Variants in CNTN5 observed in about 807,000 individuals in gnomAD.
CNTN5 encodes the protein contactin 5.
A neutral mutation model predicts 129.1 loss-of-function variants in CNTN5; 77 were observed. The observed-to-expected ratio is 0.60, with a 90% confidence interval of 0.50 to 0.72. CNTN5 has a LOEUF of 0.72. Ranked by LOEUF, CNTN5 falls within the 30% of genes least tolerant of loss-of-function variation. The pLI is 0.00. For synonymous variants in CNTN5, 509 were observed against 465.6 expected, an observed-to-expected ratio of 1.09 and a Z score of -1.20; for missense variants, 1,478 against 1,328.8, an observed-to-expected ratio of 1.11 and a Z score of -1.75.
chr11:99,194,295 C>A (rs1269354758), intron 1 of CNTN5, among the ~76,000 whole-genome samples: 4 of 151,964 alleles, frequency 2.6e-5, no homozygotes, highest in Admixed American at 6.6e-5. Context: ...ATAAAAGTAG[C>A]ACATTTTTAG....
intron 8 of CNTN5, among the ~76,000 whole-genome samples, chr11:99,991,785 C>A (rs1187236721): frequency 6.7e-6 from 1 of 149,572 alleles, no homozygotes; most frequent in Non-Finnish European, 1.5e-5. Flanking sequence ...AATACTCAAG[C>A]AAGTATTGAG....
intron 21 of CNTN5, chr11:100,308,815 TA>T: frequency 1.0e-6 from 1 of 987,930 alleles, no homozygotes; most frequent in Non-Finnish European, 1.2e-6. Context: ...AATGTATAAA[TA>T]CAAGTTTTCC....
At chr11:99,446,946 C>A (rs1178135895) in intron 2 of CNTN5, among the ~76,000 whole-genome samples, 1 of 152,120 alleles carries the variant, frequency 6.6e-6, no homozygotes, top group Admixed American at 6.6e-5. Context: ...CTTACTTGGT[C>A]TGGCTCTTGT....
intron 20 of CNTN5, among the ~76,000 whole-genome samples, chr11:100,300,499 G>A (rs1951195063): frequency 1.3e-5 from 2 of 151,396 alleles, no homozygotes; most frequent in African/African-American, 2.4e-5. Flanking sequence ...CTTCCTCTGT[G>A]CCCACATGTA....
intron 1 of CNTN5, among the ~76,000 whole-genome samples, chr11:99,093,997 T>C (rs978221542): frequency 6.6e-6 from 1 of 151,954 alleles, no homozygotes; most frequent in Non-Finnish European, 1.5e-5. Context: ...TAAGATAATA[T>C]AATATAGTAG....
rs529359372 is a variant in CNTN5 at position 99,971,773 on chromosome 11, A to G, written c.877+14764A>G. Among the ~76,000 whole-genome samples, 43 of 152,030 alleles carry G rather than the reference A, an allele frequency of 2.8e-4. 1 individual carries two copies. In the South Asian group the frequency reaches 8.9e-3, roughly 31 times the overall value. On this transcript the variant is annotated intron_variant, in intron 8 of 24. Transcript: ENST00000524871. ...TTATGGCTAAAGTTTATAACTCACTAAAGACTAAGATAATCATTAGCATTA... is the reference window on the plus strand; with the variant it reads ...TTATGGCTAAAGTTTATAACTCACTGAAGACTAAGATAATCATTAGCATTA...
At chr11:100,294,449 G>A (rs1445930234) in intron 18 of CNTN5, among the ~76,000 whole-genome samples, 1 of 151,670 alleles carries the variant, frequency 6.6e-6, no homozygotes, top group Admixed American at 6.6e-5. Flanking sequence ...GTAGCTTGTG[G>A]ATAAAGTATC....
chr11:99,401,919 C>T (rs1479981461), intron 2 of CNTN5, among the ~76,000 whole-genome samples: 1 of 151,930 alleles, frequency 6.6e-6, no homozygotes, highest in African/African-American at 2.4e-5. Flanking sequence ...TATTGATTTT[C>T]TATCCTGCAA....
chr11:99,964,145 C>T (rs1440389477), intron 8 of CNTN5, among the ~76,000 whole-genome samples: 2 of 152,054 alleles, frequency 1.3e-5, no homozygotes, highest in Non-Finnish European at 2.9e-5. Flanking sequence ...AATTGAATAC[C>T]CTTTATTTCC....
intron 2 of CNTN5, among the ~76,000 whole-genome samples, chr11:99,528,631 G>C (rs542685529): frequency 6.6e-6 from 1 of 152,362 alleles, no homozygotes; most frequent in South Asian, 2.1e-4. Flanking sequence ...GGAAGCTTCA[G>C]TGTTTTCACT....
chr11:99,098,134 A>C (rs1014993524), intron 1 of CNTN5, among the ~76,000 whole-genome samples: 4 of 152,118 alleles, frequency 2.6e-5, no homozygotes, highest in Non-Finnish European at 5.9e-5. Context: ...AGCAGCATTT[A>C]CCAAATCAGA....
chr11:99,828,498 C>T (rs1947038928), intron 4 of CNTN5, among the ~76,000 whole-genome samples: 1 of 152,114 alleles, frequency 6.6e-6, no homozygotes, highest in Admixed American at 6.6e-5. Context: ...AATGGCCTAA[C>T]CACCTCTTAA....
At chr11:99,872,534 G>A (rs1280099711) in intron 6 of CNTN5, among the ~76,000 whole-genome samples, 1 of 152,078 alleles carries the variant, frequency 6.6e-6, no homozygotes, top group Non-Finnish European at 1.5e-5. Context: ...TACAATTGAA[G>A]ATACCCTGCA....
intron 7 of CNTN5, among the ~76,000 whole-genome samples, chr11:99,939,152 A>G (rs1347370158): frequency 6.6e-6 from 1 of 152,126 alleles, no homozygotes; most frequent in Non-Finnish European, 1.5e-5. Flanking sequence ...GTGATTTAAT[A>G]ATCTGAACAT....
chr11:99,674,029 C>T (rs967777062), intron 3 of CNTN5, among the ~76,000 whole-genome samples: 2 of 152,116 alleles, frequency 1.3e-5, no homozygotes, highest in African/African-American at 2.4e-5. Context: ...TGAGGAATCC[C>T]CACACTGTTT....
intron 1 of CNTN5, among the ~76,000 whole-genome samples, chr11:99,104,263 A>G (rs1866890743): frequency 6.6e-6 from 1 of 152,082 alleles, no homozygotes; most frequent in South Asian, 2.1e-4. Flanking sequence ...GGATGTCTCA[A>G]CTGTAGCACT....
At chr11:99,876,450 A>G (rs1376119877) in intron 6 of CNTN5, among the ~76,000 whole-genome samples, 4 of 152,100 alleles carry the variant, frequency 2.6e-5, no homozygotes, top group East Asian at 1.9e-4. Context: ...GTTCCAGGCA[A>G]TGCATGAGCC....
chr11:100,165,778 T>C (rs1947612914), intron 13 of CNTN5, among the ~76,000 whole-genome samples: 1 of 151,804 alleles, frequency 6.6e-6, no homozygotes, highest in African/African-American at 2.4e-5. Context: ...GTTTGGTGTT[T>C]GTTAGGCACA....
At chr11:100,204,504 C>G (rs990430613) in intron 15 of CNTN5, among the ~76,000 whole-genome samples, 5 of 149,746 alleles carry the variant, frequency 3.3e-5, no homozygotes, top group African/African-American at 1.2e-4. Flanking sequence ...GAGACAGGCT[C>G]TCACTCTGTC....
Sources: allele counts gnomAD v4.1 joint callset (sites outside exome capture counted in the v4.1 genomes callset), GRCh38; gene constraint gnomAD v4.1.1; transcripts MANE v1.5; gene names NCBI Gene and HGNC (gene_info 2026-07-23, HGNC 2026-07-21).